The following DST variants were observed in gnomAD, a reference collection of about 807,000 sequenced individuals.
DST encodes bullous pemphigoid antigen.
In DST, 253 loss-of-function variants were observed where a neutral mutation model predicts 875.2. That is an observed-to-expected ratio of 0.29 (90% CI 0.26 to 0.32). The LOEUF is 0.32. DST is among the 10% of genes least tolerant of loss of function. The pLI is 1.00. For missense variants in DST, 8,287 were observed against 9,111.6 expected (o/e 0.91, Z 3.68); for synonymous variants, 3,124 against 3,197.1 (o/e 0.98, Z 0.77).
At position 56,543,645 on chromosome 6, in the gene DST, C is replaced by CA. The variant is rs372901712; in HGVS notation, c.16609-6706dup. 6.8e-4 allele frequency among the ~76,000 whole-genome samples: 104 copies of CA among 152,306 alleles called. 2 individuals carry two copies. In the East Asian group the frequency reaches 0.014, roughly 21 times the overall value. On this transcript the variant is annotated intron_variant, in intron 61 of 103. Transcript: ENST00000680361. ...TATTTTACAAAATAAGAAACATCGT[C>CA]AGAGTGTCAGTTACAAATGAAGCGG...
At chr6:56,612,165 G>A (rs370009538) in intron 37 of DST, among the ~76,000 whole-genome samples, 15 of 152,166 alleles carry the variant, frequency 9.9e-5, no homozygotes, top group African/African-American at 2.7e-4. Flanking sequence ...GAGCTCAGGC[G>A]TTTGAGACCA....
In DST at chr6:56,900,695, T is replaced by C. The variant is rs185662198; in HGVS notation, c.217-74A>G. On this transcript the variant is annotated intron_variant, in intron 2 of 103. Transcript: ENST00000680361. ...TCTGGAAGTTCTCCATGGCTAGTTA[T>C]ACAAAGAGCTCCAAAAGTCACTATA... The C allele has an allele frequency of 2.9e-4, 337 of 1,153,880 alleles. 5 individuals carry two copies. The East Asian group carries it at 0.014, about 49-fold the overall frequency. 71.5% of individuals were successfully genotyped at this position (1,153,880 alleles called of 1,614,324 possible).
In DST at chr6:56,561,405, T is replaced by C; in HGVS notation, c.14213A>G (p.Gln4738Arg). ...AGTTTTGTTCATTTTCTGTAACCAC[T>C]GCATCATTGCACTTGATTCTTCCTG... ...KAQEESSAMM[Q>R]WLQKMNKTAT... The change falls in exon 57 of 104, where the codon CAG (glutamine) becomes CGG (arginine). Residue 4738 changes from glutamine to arginine, a missense_variant. This residue lies in a region of DST where 1,513 missense variants were observed against 1,677.8 expected (regional missense o/e 0.90). Transcript: ENST00000680361. 1 of 1,613,938 alleles carries C rather than the reference T, an allele frequency of 6.2e-7. No homozygotes were observed. Among genetic ancestry groups the C allele is most frequent in the Non-Finnish European group, 8.5e-7 (1 of 1,179,818 alleles).
In DST at chr6:56,553,467, C is replaced by G; in HGVS notation, c.15325G>C (p.Ala5109Pro). Residue 5109 changes from alanine to proline, a missense_variant, in exon 61 of 104, where the codon GCT (alanine) becomes CCT (proline). Around this residue, in one of 10 missense-constraint regions of DST, gnomAD observed 1,513 missense variants for 1,677.8 expected, o/e 0.90. Coordinates refer to ENST00000680361, the MANE Select transcript of DST (RefSeq NM_001374736.1). The stretch of plus-strand genomic sequence containing the variant: ...GTTTTTTCATACATATGAGACTGAG[C>G]GGTCAAAGTTTTACTAAAGTCTTTA... ...DHKDFSKTLT[A>P]QSHMYEKTIA... is the part of the protein sequence containing the mutation. 3 of 1,612,844 alleles carry G rather than the reference C, an allele frequency of 1.9e-6. No individual in the cohort carries two copies. Among genetic ancestry groups the G allele is most frequent in the Non-Finnish European group, 2.5e-6 (3 of 1,179,536 alleles).
chr6:56,709,985 C>T (rs2099356559), intron 5 of DST, among the ~76,000 whole-genome samples: 1 of 152,098 alleles, frequency 6.6e-6, no homozygotes, highest in South Asian at 2.1e-4. Flanking sequence ...TGGAACGATG[C>T]GCCGGTGGAC....
intron 53 of DST, 24 bp downstream of exon 53, chr6:56,572,076 T>C (rs750812411): frequency 7.6e-7 from 1 of 1,312,014 alleles, no homozygotes; most frequent in South Asian, 1.7e-5. Context: ...TAGAATAAAA[T>C]ATAATTTTTA....
chr6:56,692,811 C>T (rs1588687664), intron 9 of DST: 2 of 1,289,810 alleles, frequency 1.6e-6, no homozygotes, highest in African/African-American at 1.5e-5. Context: ...TTACAGCACT[C>T]GGCAGAAGTT....
At chr6:56,477,275 C>T in intron 91 of DST, 70 bp downstream of exon 91, 2 of 1,505,450 alleles carry the variant, frequency 1.3e-6, no homozygotes, top group Admixed American at 4.2e-5. Context: ...CATCTTAATT[C>T]CTGAAATTTC....
rs150948441 is a variant in DST, at chr6:56,561,974, T to C, written c.14068+164A>G. Among the ~76,000 whole-genome samples the C allele has an allele frequency of 5.1e-3, 781 of 152,196 alleles. 10 individuals carry two copies. The highest frequency in any genetic ancestry group is 0.017 in the African/African-American group (722 of 41,534). ...TTCAGATACACAAAACTGCAAAAAATGTTATATAAATATAATTTTTATGGA... is the reference window on the plus strand; with the variant it reads ...TTCAGATACACAAAACTGCAAAAAACGTTATATAAATATAATTTTTATGGA... On this transcript the variant is annotated intron_variant, in intron 56 of 103. Transcript: ENST00000680361.
intron 2 of DST, among the ~76,000 whole-genome samples, chr6:56,936,364 T>C (rs1711288148): frequency 6.6e-6 from 1 of 152,150 alleles, no homozygotes; most frequent in Non-Finnish European, 1.5e-5. Context: ...AAATTCAAAG[T>C]ATATGAAAAC....
intron 3 of DST, among the ~76,000 whole-genome samples, chr6:56,868,838 A>C (rs1420670225): frequency 1.3e-5 from 2 of 152,210 alleles, no homozygotes; most frequent in African/African-American, 4.8e-5. Flanking sequence ...ATATGTACTG[A>C]AATTTGAGAG....
chr6:56,514,543 CCT>C (rs972185344), intron 72 of DST, among the ~76,000 whole-genome samples: 60 of 150,054 alleles, frequency 4.0e-4, no homozygotes, highest in African/African-American at 6.4e-4. Context: ...TCTCTCTCTC[CCT>C]CTCTCCCTCC....
intron 50 of DST, among the ~76,000 whole-genome samples, chr6:56,576,974 A>G (rs1229532617): frequency 6.6e-6 from 1 of 152,228 alleles, no homozygotes; most frequent in Non-Finnish European, 1.5e-5. Flanking sequence ...TCTTAGTGAT[A>G]AAATATTGTC....
At chr6:56,754,498 A>C (rs2099596796) in intron 4 of DST, among the ~76,000 whole-genome samples, 1 of 152,172 alleles carries the variant, frequency 6.6e-6, no homozygotes, top group South Asian at 2.1e-4. Context: ...CTAAATACAG[A>C]CCATTCTCAT....
At chr6:56,654,586 C>CTA (rs138507484) in intron 10 of DST, among the ~76,000 whole-genome samples, 8,061 of 133,144 alleles carry the variant, frequency 0.061, 337 homozygotes, top group South Asian at 0.096. Flanking sequence ...CTCCCCTAGG[C>CTA]TATATATATA....
chr6:56,713,644 G>A (rs988458927), intron 5 of DST, among the ~76,000 whole-genome samples: 1 of 152,172 alleles, frequency 6.6e-6, no homozygotes, highest in Non-Finnish European at 1.5e-5. Context: ...CAGCCAGCCA[G>A]GAGTGCAGAC....
At chr6:56,697,472 G>C (rs2099270308) in intron 9 of DST, among the ~76,000 whole-genome samples, 1 of 152,174 alleles carries the variant, frequency 6.6e-6, no homozygotes, top group Admixed American at 6.5e-5. Flanking sequence ...TGGATTCAGA[G>C]AGACTCCAGC....
At position 56,458,752 on chromosome 6, in the gene DST, G is replaced by T. The variant is rs79455288; in HGVS notation, c.*253C>A. The T allele has an allele frequency of 0.032, 10,163 of 321,888 alleles. 219 individuals are homozygous for T. Among genetic ancestry groups the T allele is most frequent in the Non-Finnish European group, 0.042 (7,397 of 178,230 alleles). 19.9% of individuals were successfully genotyped at this position (321,888 alleles called of 1,614,324 possible). ...CAGTAACTGAGTTTAGTGTGTGCCC[G>T]GCACGTTACAGTGCAGAAATGTTAG... On this transcript the variant is annotated 3_prime_UTR_variant, in exon 104 of 104. Transcript: ENST00000680361.
intron 83 of DST, 66 bp downstream of exon 83, chr6:56,493,944 T>C: frequency 4.5e-6 from 6 of 1,334,558 alleles, no homozygotes; most frequent in Non-Finnish European, 5.9e-6. Flanking sequence ...TACTCAGAAA[T>C]AAGGCCAAGT....
Sources: gnomAD v4.1 joint callset for allele counts (sites outside exome capture counted in the v4.1 genomes callset) on GRCh38, gnomAD v4.1.1 for gene constraint, gnomAD v4.1.1 regional missense constraint, MANE v1.5 for transcripts, NCBI Gene and HGNC (gene_info 2026-07-23, HGNC 2026-07-21) for gene names.